The following HACE1 variants were observed in gnomAD, a reference collection of about 807,000 sequenced individuals.
HACE1 encodes HECT domain and ankyrin repeat containing E3 ubiquitin protein ligase 1.
A neutral mutation model predicts 118.4 loss-of-function variants in HACE1; 73 were observed. That is an observed-to-expected ratio of 0.62 (90% CI 0.51 to 0.75). The LOEUF (loss-of-function observed/expected upper bound fraction) is 0.75, where lower values mean the gene tolerates loss of function less well. Among genes scored for constraint, HACE1 ranks in the 30% least tolerant of loss-of-function variants. The pLI, the probability that HACE1 is intolerant of heterozygous loss-of-function variation, is 0.00. For missense variants in HACE1, 749 were observed against 1,102.2 expected, an observed-to-expected ratio of 0.68 and a Z score of 4.54; for synonymous variants, 368 against 374.8, an observed-to-expected ratio of 0.98 and a Z score of 0.21.
intron 7 of HACE1, among the ~76,000 whole-genome samples, chr6:104,797,839 T>A (rs1028752519): frequency 1.3e-5 from 2 of 151,858 alleles, no homozygotes; most frequent in Non-Finnish European, 2.9e-5. Context: ...GAGGCCGGGG[T>A]AGGTGGATCA....
intron 7 of HACE1, among the ~76,000 whole-genome samples, chr6:104,803,848 T>C (rs1009000204): frequency 1.3e-5 from 2 of 152,116 alleles, no homozygotes; most frequent in Admixed American, 6.6e-5. Flanking sequence ...CAATGTAGTG[T>C]TGGAAGTTCT....
rs751809418 is a variant in HACE1, at chr6:104,776,751, CTG to C, written c.1852_1853del (p.Gln618ValfsTer3). The C allele has an allele frequency of 1.7e-5, 27 of 1,594,582 alleles. No homozygotes were observed. Among genetic ancestry groups the C allele is most frequent in the Non-Finnish European group, 2.3e-5 (27 of 1,162,100 alleles). On this transcript the variant is annotated frameshift_variant, in exon 17 of 24. Coordinates refer to ENST00000262903, the MANE Select transcript of HACE1 (RefSeq NM_020771.4). LOFTEE classifies it high-confidence loss of function. The stretch of plus-strand genomic sequence containing the variant: ...GACTGTACAACTTACCATCAGCTGA[CTG>C]GGTAAACAATGCATAATCAGGATTG... ...IVNPDYALFT[Q>X]SADGTTFQPN... is the part of the protein sequence containing the mutation.
chr6:104,791,689 A>C, intron 10 of HACE1, 35 bp from the exon 11 acceptor site: 1 of 1,360,930 alleles, frequency 7.3e-7, no homozygotes, highest in Non-Finnish European at 1.0e-6. Context: ...GATTAGAGTA[A>C]AACAAATTAC....
At chr6:104,856,073 CAG>C (rs1776689224) in intron 1 of HACE1, among the ~76,000 whole-genome samples, 1 of 152,138 alleles carries the variant, frequency 6.6e-6, no homozygotes, top group African/African-American at 2.4e-5. Context: ...TAAGAAAGGA[CAG>C]AATACAATTT....
chr6:104,815,744 A>C (rs1172645275), intron 6 of HACE1, among the ~76,000 whole-genome samples: 1 of 138,592 alleles, frequency 7.2e-6, no homozygotes. Context: ...ACATGCATTC[A>C]CAAAGAGATG....
chr6:104,761,401 A>G (rs2114645428), intron 19 of HACE1, among the ~76,000 whole-genome samples: 1 of 152,314 alleles, frequency 6.6e-6, no homozygotes, highest in Middle Eastern at 3.4e-3. Flanking sequence ...CCACACATCT[A>G]CCACCATCTG....
At chr6:104,747,622 G>T (rs1777573954) in intron 20 of HACE1, among the ~76,000 whole-genome samples, 1 of 151,746 alleles carries the variant, frequency 6.6e-6, no homozygotes, top group Non-Finnish European at 1.5e-5. Context: ...TGGTATCTGG[G>T]GTCAGGGAAC....
intron 6 of HACE1, among the ~76,000 whole-genome samples, chr6:104,819,272 G>A (rs1172157044): frequency 6.6e-6 from 1 of 152,064 alleles, no homozygotes; most frequent in Non-Finnish European, 1.5e-5. Context: ...AGTCAAGAAT[G>A]AACTCCCATT....
At chr6:104,819,401 T>TG (rs1398953691) in intron 6 of HACE1, among the ~76,000 whole-genome samples, 3 of 152,054 alleles carry the variant, frequency 2.0e-5, no homozygotes, top group African/African-American at 7.2e-5. Flanking sequence ...CACAAACAAA[T>TG]GGAAAAACAT....
rs76728671 is a variant in HACE1 at position 104,814,659 on chromosome 6, T to C, written c.535-3266A>G. The stretch of plus-strand genomic sequence containing the variant: ...GTTTAGAGGGTGATATGGGTTGGAT[T>C]TGTGTCCCTGCCAAAATCTCCTGTT... On this transcript the variant is annotated intron_variant, in intron 6 of 23. Transcript: ENST00000262903. Among the ~76,000 whole-genome samples, 460 of 137,038 alleles carry C rather than the reference T, an allele frequency of 3.4e-3. 101 individuals carry two copies. Among genetic ancestry groups the C allele is most frequent in the African/African-American group, 0.013 (446 of 34,088 alleles). The allele number at this position is 137,038 out of a possible 152,430, so 89.9% of individuals were successfully genotyped here.
chr6:104,733,778 T>C (rs1378413194), intron 22 of HACE1, among the ~76,000 whole-genome samples: 1 of 150,308 alleles, frequency 6.7e-6, no homozygotes, highest in Admixed American at 6.6e-5. Context: ...AGGTGGAAGT[T>C]GCAGTGAGCT....
At chr6:104,766,760 T>G (rs571040291) in intron 19 of HACE1, 1 of 152,384 alleles carries the variant, frequency 6.6e-6, no homozygotes, top group Admixed American at 6.5e-5. Flanking sequence ...ACAAGTTTTG[T>G]GCCCTCGGGC....
Position 104,814,854 on chromosome 6 carries a change from T to C in HACE1, c.535-3461A>G, listed in dbSNP as rs1771956366. 2.2e-5 allele frequency among the ~76,000 whole-genome samples: 3 copies of C among 138,246 alleles called. No individual in the cohort carries two copies. The South Asian group carries it at 6.7e-4, about 31-fold the overall frequency. The allele number at this position is 138,246 out of a possible 152,430, so 90.7% of individuals were successfully genotyped here. ...GAAGATGCTTGCTTCCCCCTTTGCC[T>C]TCCACCATGATTGTAAGTTTCCTGA... On this transcript the variant is annotated intron_variant, in intron 6 of 23. Coordinates refer to ENST00000262903, the MANE Select transcript of HACE1 (RefSeq NM_020771.4).
chr6:104,837,284 A>G (rs1462796048), intron 5 of HACE1, among the ~76,000 whole-genome samples: 1 of 152,254 alleles, frequency 6.6e-6, no homozygotes, highest in African/African-American at 2.4e-5. Flanking sequence ...CAGAGAGATT[A>G]GCAGAGACAC....
intron 11 of HACE1, chr6:104,787,451 G>T (rs1367195016): frequency 6.6e-6 from 1 of 152,132 alleles, no homozygotes; most frequent in Non-Finnish European, 1.5e-5. Context: ...TTCTCTTTAT[G>T]AGCAAAACAC....
intron 9 of HACE1, among the ~76,000 whole-genome samples, chr6:104,796,189 C>T (rs749564368): frequency 2.8e-4 from 42 of 152,158 alleles, no homozygotes; most frequent in Non-Finnish European, 3.8e-4. Flanking sequence ...CGGCTCACTG[C>T]AGGCTCAACC....
At chr6:104,852,279 C>T (rs372177857) in intron 2 of HACE1, 38 bp downstream of exon 2, 6 of 1,386,798 alleles carry the variant, frequency 4.3e-6, no homozygotes, top group Admixed American at 1.7e-5. Context: ...ACAATGTATG[C>T]TTCTTAAAAA....
chr6:104,817,445 T>C (rs1403542160), intron 6 of HACE1, among the ~76,000 whole-genome samples: 1 of 152,214 alleles, frequency 6.6e-6, no homozygotes, highest in Non-Finnish European at 1.5e-5. Flanking sequence ...CTGATTCCCC[T>C]TAACCTTCCA....
At chr6:104,843,982 G>A (rs896098147) in intron 4 of HACE1, among the ~76,000 whole-genome samples, 3 of 150,540 alleles carry the variant, frequency 2.0e-5, no homozygotes, top group South Asian at 4.2e-4. Context: ...TCAGCCTTCC[G>A]AGTAGCTGGG....
Sources: gnomAD v4.1 joint callset for allele counts (sites outside exome capture counted in the v4.1 genomes callset) on GRCh38, gnomAD v4.1.1 for gene constraint, MANE v1.5 for transcripts, NCBI Gene and HGNC (gene_info 2026-07-23, HGNC 2026-07-21) for gene names.